Variants in CHN2 observed in about 807,000 individuals in gnomAD.
CHN2 encodes beta-chimaerin.
A neutral mutation model predicts 56.3 loss-of-function variants in CHN2; 35 were observed. That is an observed-to-expected ratio of 0.62 (90% CI 0.47 to 0.82). CHN2 has a LOEUF of 0.82. Among genes scored for constraint, CHN2 ranks in the 40% least tolerant of loss-of-function variants. CHN2 has a pLI of 0.00. For missense variants in CHN2, 491 were observed against 580.5 expected (o/e 0.85, Z 1.58); for synonymous variants, 210 against 212.8 (o/e 0.99, Z 0.12).
chr7:29,194,865 C>A lies in CHN2; in HGVS notation c.-77C>A. On this transcript the variant is annotated 5_prime_UTR_variant, in exon 1 of 13. Coordinates refer to ENST00000222792, the MANE Select transcript of CHN2 (RefSeq NM_004067.4). Reference sequence around the variant, plus strand: ...CATGGGCTGGGGGCCGCGGAGGCTGCGAGCGGCCGGGCGAGGGCAGCGGCG... The same window carrying A: ...CATGGGCTGGGGGCCGCGGAGGCTGAGAGCGGCCGGGCGAGGGCAGCGGCG... The A allele has an allele frequency of 3.1e-6, 4 of 1,300,508 alleles. No homozygotes were observed. The South Asian group carries it at 8.0e-5, about 26-fold the overall frequency. The allele number at this position is 1,300,508 out of a possible 1,614,324, so 80.6% of individuals were successfully genotyped here.
At chr7:29,446,302 C>T (rs1384404366) in intron 6 of CHN2, among the ~76,000 whole-genome samples, 1 of 152,130 alleles carries the variant, frequency 6.6e-6, no homozygotes, top group Non-Finnish European at 1.5e-5. Context: ...AACAAAAGAA[C>T]AGCAAAAAAG....
chr7:29,434,122 G>A (rs1783053622), intron 6 of CHN2, among the ~76,000 whole-genome samples: 2 of 152,044 alleles, frequency 1.3e-5, no homozygotes, highest in African/African-American at 4.8e-5. Flanking sequence ...AGGTGGTGGG[G>A]GTTTTGAACC....
intron 7 of CHN2, among the ~76,000 whole-genome samples, chr7:29,494,881 C>T (rs1251450257): frequency 7.3e-6 from 1 of 136,274 alleles, no homozygotes; most frequent in Non-Finnish European, 1.5e-5. Context: ...AAGCAGAACT[C>T]GGATGAACAC....
chr7:29,400,557 C>T lies in CHN2; in HGVS notation c.305C>T (p.Thr102Ile), dbSNP rs1802123388. 6.2e-7 allele frequency: 1 copy of T among 1,614,090 alleles called. No individual in the cohort carries two copies. The highest frequency in any genetic ancestry group is 8.5e-7 in the Non-Finnish European group (1 of 1,180,016). ...YTLALRFGNQ[T>I]LNYRLFHDGK... ...CTCACGGGCAGGTTTGGAAACCAGA[C>T]CTTAAACTACAGGCTCTTCCACGAC... Residue 102 changes from threonine (T) to isoleucine (I), a missense_variant, in exon 6 of 13, where the codon ACC (threonine) becomes ATC (isoleucine). Physicochemically the swap from Thr to Ile is moderately conservative, Grantham distance 89. Transcript: ENST00000222792.
At chr7:29,190,437 G>A (rs1296428850), upstream of CHN2, among the ~76,000 whole-genome samples, 1 of 152,160 alleles carries the variant, frequency 6.6e-6, no homozygotes, top group East Asian at 1.9e-4. Flanking sequence ...TGCAGTGAGG[G>A]AGCACAGCTC....
intron 1 of CHN2, among the ~76,000 whole-genome samples, chr7:29,345,408 A>G (rs1329477219): frequency 1.3e-5 from 2 of 152,198 alleles, no homozygotes; most frequent in Non-Finnish European, 1.5e-5. Context: ...GAAATGCTGT[A>G]GGTTGGTGGG....
Position 29,285,800 on chromosome 7 carries a change from C to T in CHN2, c.50-68825C>T, listed in dbSNP as rs114307383. 8.3e-3 allele frequency among the ~76,000 whole-genome samples: 1,269 copies of T among 152,264 alleles called. 20 individuals are homozygous for T. The highest frequency in any genetic ancestry group is 0.029 in the African/African-American group (1,186 of 41,538). ...GCTCTTCTCCCTAGCATCACCTCAA[C>T]TCTCAATTGGACAAATATGCCATAA... On this transcript the variant is annotated intron_variant, in intron 1 of 12. Transcript: ENST00000222792.
intron 3 of CHN2, chr7:29,376,446 T>C (rs1800087772): frequency 6.6e-6 from 1 of 152,194 alleles, no homozygotes; most frequent in East Asian, 1.9e-4. Flanking sequence ...GATCCCAGCA[T>C]CAGCTGGGAA....
intron 1 of CHN2, among the ~76,000 whole-genome samples, chr7:29,325,245 C>A (rs935566011): frequency 2.6e-5 from 4 of 152,222 alleles, no homozygotes; most frequent in Admixed American, 2.0e-4. Context: ...ACTCTCCCAG[C>A]GGGTTGGCCA....
At chr7:29,316,148 G>A (rs1396677333) in intron 1 of CHN2, among the ~76,000 whole-genome samples, 3 of 152,168 alleles carry the variant, frequency 2.0e-5, no homozygotes, top group Non-Finnish European at 4.4e-5. Context: ...AGTTGTGTGA[G>A]CATTCATGTT....
intron 6 of CHN2, among the ~76,000 whole-genome samples, chr7:29,419,028 A>G (rs562434899): frequency 6.6e-6 from 1 of 152,294 alleles, no homozygotes; most frequent in African/African-American, 2.4e-5. Context: ...ACCAGTATGC[A>G]GTGGGCACAT....
intron 6 of CHN2, among the ~76,000 whole-genome samples, chr7:29,439,503 G>C (rs529417631): frequency 6.6e-6 from 1 of 152,202 alleles, no homozygotes; most frequent in South Asian, 2.1e-4. Context: ...TGTCCTTCAG[G>C]TGTTGGCTCC....
intron 1 of CHN2, among the ~76,000 whole-genome samples, chr7:29,261,541 T>G (rs1174682726): frequency 6.6e-6 from 1 of 152,206 alleles, no homozygotes; most frequent in Admixed American, 6.5e-5. Context: ...TCTATCCAAA[T>G]GTACAATAAT....
intron 6 of CHN2, among the ~76,000 whole-genome samples, chr7:29,452,905 C>T (rs1784502314): frequency 6.6e-6 from 1 of 152,198 alleles, no homozygotes; most frequent in Non-Finnish European, 1.5e-5. Flanking sequence ...CCCTGTGGGA[C>T]CTCATGCAGT....
chr7:29,191,976 AG>A (rs1257370142), upstream of CHN2: 1 of 152,202 alleles, frequency 6.6e-6, no homozygotes, highest in African/African-American at 2.4e-5. Context: ...GAAGGATGAT[AG>A]TGAATGATTA....
At chr7:29,314,420 T>C (rs1794810769) in intron 1 of CHN2, among the ~76,000 whole-genome samples, 1 of 152,220 alleles carries the variant, frequency 6.6e-6, no homozygotes, top group South Asian at 2.1e-4. Flanking sequence ...ATTGGCCTTG[T>C]TGCAGTTTTG....
chr7:29,193,303 G>A (rs552771747), upstream of CHN2: 224 of 152,238 alleles, frequency 1.5e-3, 1 homozygote, highest in African/African-American at 5.3e-3. Context: ...TGACGTGGGT[G>A]CGTACTGTGA....
chr7:29,325,972 A>G (rs539220754), intron 1 of CHN2, among the ~76,000 whole-genome samples: 11 of 152,186 alleles, frequency 7.2e-5, no homozygotes, highest in Non-Finnish European at 1.6e-4. Flanking sequence ...ACATGAGAAC[A>G]TTGGATCAAC....
At chr7:29,218,714 A>G (rs950926689) in intron 1 of CHN2, among the ~76,000 whole-genome samples, 9 of 151,216 alleles carry the variant, frequency 6.0e-5, no homozygotes, top group African/African-American at 2.2e-4. Flanking sequence ...CAAAAAACCA[A>G]ACACCGCATG....
Sources: gnomAD v4.1 joint callset for allele counts (sites outside exome capture counted in the v4.1 genomes callset) on GRCh38, gnomAD v4.1.1 for gene constraint, MANE v1.5 for transcripts, NCBI Gene and HGNC (gene_info 2026-07-23, HGNC 2026-07-21) for gene names.